RTN3: variants seen among roughly 807,000 people sequenced by gnomAD.
The protein encoded by RTN3 is reticulon-3.
In RTN3, 49 loss-of-function variants were observed where a neutral mutation model predicts 77.8. That is an observed-to-expected ratio of 0.63 (90% CI 0.50 to 0.80). RTN3 has a LOEUF of 0.80. RTN3 is among the 30% of genes least tolerant of loss of function. RTN3 has a pLI of 0.00. For missense variants in RTN3, 1,236 were observed against 1,211.9 expected (o/e 1.02, Z -0.29); for synonymous variants, 464 against 446.9 (o/e 1.04, Z -0.48).
chr11:63,754,172 G>A (rs1000902507), intron 7 of RTN3, among the ~76,000 whole-genome samples: 1 of 152,040 alleles, frequency 6.6e-6, no homozygotes, highest in African/African-American at 2.4e-5. Context: ...GTCTAAGATA[G>A]GAGAATCTAC....
rs946594958 is a variant in RTN3 at position 63,759,822 on chromosome 11, G to A, written c.*1621G>A. 2 of 151,116 alleles carry A rather than the reference G, an allele frequency of 1.3e-5. No homozygotes were observed. Among genetic ancestry groups the A allele is most frequent in the African/African-American group, 4.9e-5 (2 of 40,934 alleles). The allele number at this position is 151,116 out of a possible 1,614,324, so 9.4% of individuals were successfully genotyped here. A position where few individuals can be genotyped will look rare whatever the true frequency, so the allele number is the denominator to read the frequency against. ...ATAAAAATACAGTAGCACCTAAGGA[G>A]CTTGAATCTTGGTTCCTGTAAAATT... On this transcript the variant is annotated 3_prime_UTR_variant, in exon 9 of 9. Transcript: ENST00000377819.
intron 2 of RTN3, 150 bp downstream of exon 2, chr11:63,705,057 C>G: frequency 1.4e-6 from 1 of 697,894 alleles, no homozygotes; most frequent in Non-Finnish European, 2.5e-6. Flanking sequence ...TTAGCAGTTT[C>G]CAGTGGGTTT....
chr11:63,756,075 A>T (rs879145247), intron 7 of RTN3, 37 bp from the exon 8 acceptor site: 1 of 1,491,548 alleles, frequency 6.7e-7, no homozygotes. Flanking sequence ...GGTGATCTGT[A>T]TGTTACCACA....
intron 2 of RTN3, among the ~76,000 whole-genome samples, chr11:63,711,192 A>G (rs940762412): frequency 2.0e-5 from 3 of 152,010 alleles, no homozygotes; most frequent in African/African-American, 7.2e-5. Context: ...GGGCATGAGA[A>G]TCACTTGAAC....
At chr11:63,691,114 CTTTTTTTTTTT>C (rs796809025) in intron 1 of RTN3, among the ~76,000 whole-genome samples, 13 of 91,878 alleles carry the variant, frequency 1.4e-4, no homozygotes, top group African/African-American at 2.1e-4. Context: ...ATTGCTAATT[CTTTTTTTTTTT>C]TTTTTTTTTT....
intron 3 of RTN3, among the ~76,000 whole-genome samples, chr11:63,731,339 C>T (rs566790662): frequency 6.6e-6 from 1 of 152,186 alleles, no homozygotes; most frequent in Admixed American, 6.5e-5. Flanking sequence ...CTTGGCCTCC[C>T]AAAGTACTGG....
intron 1 of RTN3, among the ~76,000 whole-genome samples, chr11:63,692,962 G>T (rs887685209): frequency 7.2e-5 from 11 of 152,010 alleles, no homozygotes; most frequent in Non-Finnish European, 1.5e-4. Context: ...AGAGAGATGG[G>T]GTCTCACCAT....
chr11:63,745,800 T>G (rs1019096680), intron 3 of RTN3, among the ~76,000 whole-genome samples: 1 of 152,184 alleles, frequency 6.6e-6, no homozygotes, highest in Non-Finnish European at 1.5e-5. Flanking sequence ...ACAGGGTGAC[T>G]TTTTCTAGTT....
chr11:63,751,566 T>G (rs1393813951), intron 4 of RTN3, among the ~76,000 whole-genome samples: 1 of 152,174 alleles, frequency 6.6e-6, no homozygotes, highest in Non-Finnish European at 1.5e-5. Flanking sequence ...AGGCTCTTTT[T>G]TCATAGAGAA....
chr11:63,714,037 T>C (rs760976035), intron 2 of RTN3: 17 of 518,692 alleles, frequency 3.3e-5, no homozygotes, highest in Admixed American at 2.7e-4. Context: ...TCTTTGCTTA[T>C]CGGAGCTGTT....
intron 1 of RTN3, among the ~76,000 whole-genome samples, chr11:63,690,454 G>C (rs1941596500): frequency 6.6e-6 from 1 of 152,116 alleles, no homozygotes; most frequent in African/African-American, 2.4e-5. Context: ...CATTCCTCTA[G>C]AGGCCATATT....
intron 3 of RTN3, among the ~76,000 whole-genome samples, chr11:63,726,359 C>T (rs2012261196): frequency 6.6e-6 from 1 of 152,162 alleles, no homozygotes; most frequent in South Asian, 2.1e-4. Flanking sequence ...TGGCTTAAAC[C>T]TTCATAGAAA....
intron 4 of RTN3, among the ~76,000 whole-genome samples, chr11:63,752,238 A>G (rs927982283): frequency 6.6e-6 from 1 of 151,194 alleles, no homozygotes; most frequent in Admixed American, 6.6e-5. Context: ...ATTTACCTTC[A>G]TGAATATCCA....
intron 3 of RTN3, among the ~76,000 whole-genome samples, chr11:63,729,823 T>C (rs1234179061): frequency 6.6e-6 from 1 of 151,814 alleles, no homozygotes; most frequent in Non-Finnish European, 1.5e-5. Context: ...AGGGTCTCGC[T>C]CTGTCACCCA....
intron 1 of RTN3, among the ~76,000 whole-genome samples, chr11:63,701,694 C>T (rs569575717): frequency 1.7e-3 from 252 of 152,160 alleles, no homozygotes; most frequent in Non-Finnish European, 2.8e-3. Context: ...TGCTTGTAAT[C>T]GCAGCACTTT....
chr11:63,744,701 G>T (rs1200378317), intron 3 of RTN3, among the ~76,000 whole-genome samples: 1 of 152,108 alleles, frequency 6.6e-6, no homozygotes, highest in African/African-American at 2.4e-5. Context: ...AGAATGAAAA[G>T]AAAGTTTCTG....
chr11:63,747,306 T>C (rs529469456), intron 3 of RTN3, among the ~76,000 whole-genome samples: 64 of 152,358 alleles, frequency 4.2e-4, no homozygotes, highest in Admixed American at 3.5e-3. Context: ...AATTCTAACA[T>C]GTATATGCTT....
rs900784988 is a variant in RTN3 at position 63,696,142 on chromosome 11, C to T, written c.143-8709C>T. Among the ~76,000 whole-genome samples, 7 of 149,908 alleles carry T rather than the reference C, an allele frequency of 4.7e-5. No individual in the cohort carries two copies. The South Asian group carries it at 6.3e-4, about 14-fold the overall frequency. ...AAGGAATATTGTGATGAGGCCGGGC[C>T]TGGTGGCTCATGCCTGTAATCCTAG... On this transcript the variant is annotated intron_variant, in intron 1 of 8. Coordinates refer to ENST00000377819, the MANE Select transcript of RTN3 (RefSeq NM_001265589.2).
chr11:63,751,533 G>A (rs376162735), intron 4 of RTN3, among the ~76,000 whole-genome samples: 1 of 152,080 alleles, frequency 6.6e-6, no homozygotes, highest in South Asian at 2.1e-4. Flanking sequence ...TGACTTTAAC[G>A]TGAGCAAATG....
Sources: allele counts gnomAD v4.1 joint callset (sites outside exome capture counted in the v4.1 genomes callset), GRCh38; gene constraint gnomAD v4.1.1; transcripts MANE v1.5; gene names NCBI Gene and HGNC (gene_info 2026-07-23, HGNC 2026-07-21).